C1QTNF7: variants seen among roughly 807,000 people sequenced by gnomAD.
The protein encoded by C1QTNF7 is complement C1q tumor necrosis factor-related protein 7.
A neutral mutation model predicts 19.6 loss-of-function variants in C1QTNF7; 15 were observed. The ratio of observed to expected loss-of-function variants is 0.76; its 90% CI spans 0.51 to 1.18. C1QTNF7 has a LOEUF of 1.18. C1QTNF7 is among the 50% of genes most tolerant of loss of function. The probability of loss-of-function intolerance (pLI) is 0.00; values close to 1 mark genes in which losing one functional copy is unlikely to be tolerated. For missense variants in C1QTNF7, 324 were observed against 359.7 expected (o/e 0.90, Z 0.80); for synonymous variants, 142 against 137.5 (o/e 1.03, Z -0.23).
At chr4:15,442,139 A>G (rs1712783759) in intron 2 of C1QTNF7, 29 bp from the exon 3 acceptor site, 1 of 1,555,414 alleles carries the variant, frequency 6.4e-7, no homozygotes, top group Non-Finnish European at 8.6e-7. Flanking sequence ...TTGAGGAACT[A>G]TTAATCAAAC....
intron 1 of C1QTNF7, among the ~76,000 whole-genome samples, chr4:15,415,585 T>G (rs1204685131): frequency 6.6e-6 from 1 of 151,388 alleles, no homozygotes; most frequent in Non-Finnish European, 1.5e-5. Flanking sequence ...ACATTAATAT[T>G]TTGGTATTGG....
chr4:15,442,746 T>C lies in C1QTNF7; in HGVS notation c.817T>C (p.Leu273=). The C allele has an allele frequency of 6.2e-7, 1 of 1,614,020 alleles. No homozygotes were observed. The highest frequency in any genetic ancestry group is 8.5e-7 in the Non-Finnish European group (1 of 1,179,990). Residue 273 remains leucine, a synonymous_variant, in exon 3 of 3, where the codon TTA becomes CTA. Transcript: ENST00000444304. ...AGACAGCTTATTCTCCGGGTTTCTC[T>C]TATACGTTGACACAGATTACCTAGA... ...WADSLFSGFL[L]YVDTDYLDSI...
At chr4:15,396,973 C>A (rs1280930992) in intron 1 of C1QTNF7, among the ~76,000 whole-genome samples, 1 of 152,170 alleles carries the variant, frequency 6.6e-6, no homozygotes, top group Non-Finnish European at 1.5e-5. Context: ...TACAGTTCTA[C>A]GTGCCTGGGG....
intron 1 of C1QTNF7, among the ~76,000 whole-genome samples, chr4:15,387,172 T>C (rs959818685): frequency 1.3e-5 from 2 of 152,200 alleles, no homozygotes; most frequent in Non-Finnish European, 2.9e-5. Context: ...TCCAAGTTAT[T>C]TGGCCTGAGC....
chr4:15,425,377 C>A (rs1169419787), upstream of C1QTNF7, among the ~76,000 whole-genome samples: 4 of 152,108 alleles, frequency 2.6e-5, no homozygotes, highest in Admixed American at 6.6e-5. Context: ...GGGAGACTTT[C>A]TGTAGAAAGT....
chr4:15,373,771 A>G (rs1049932178), intron 1 of C1QTNF7: 2 of 152,120 alleles, frequency 1.3e-5, no homozygotes, highest in African/African-American at 4.8e-5. Flanking sequence ...TCCATATTCT[A>G]TCTCATTTCC....
At chr4:15,421,255 A>G (rs1711746615) in intron 1 of C1QTNF7, among the ~76,000 whole-genome samples, 1 of 152,186 alleles carries the variant, frequency 6.6e-6, no homozygotes, top group South Asian at 2.1e-4. Flanking sequence ...TATTGTTACA[A>G]TCACCACTAT....
rs374455303 is a variant in C1QTNF7, at chr4:15,442,383, G to A, written c.454G>A (p.Val152Ile). Residue 152 changes from valine (V) to isoleucine (I), a missense_variant, in exon 3 of 3, where the codon GTT (valine) becomes ATT (isoleucine). Physicochemically the swap from Val to Ile is conservative, Grantham distance 29. Coordinates refer to ENST00000444304, the MANE Select transcript of C1QTNF7 (RefSeq NM_031911.5). ...GSIVLKSAFSVGITTSYPEER... is the reference protein window; with the variant it reads ...GSIVLKSAFSIGITTSYPEER... ...CATCGTGCTCAAATCCGCCTTTTCT[G>A]TTGGCATCACAACCAGCTACCCAGA... is the stretch of plus-strand genomic sequence containing the variant. 1.2e-6 allele frequency: 2 copies of A among 1,614,056 alleles called. No homozygotes were observed. The highest frequency in any genetic ancestry group is 2.7e-5 in the African/African-American group (2 of 74,916).
intron 1 of C1QTNF7, among the ~76,000 whole-genome samples, chr4:15,382,940 G>A (rs1192014133): frequency 6.6e-6 from 1 of 152,162 alleles, no homozygotes; most frequent in Non-Finnish European, 1.5e-5. Context: ...ATACTTATTA[G>A]TGCTTACCAA....
intron 1 of C1QTNF7, among the ~76,000 whole-genome samples, chr4:15,434,753 C>G (rs867397729): frequency 2.0e-5 from 3 of 152,240 alleles, no homozygotes; most frequent in Middle Eastern, 3.4e-3. Context: ...TGGGGGAGTC[C>G]TATTAGATCA....
intron 2 of C1QTNF7, among the ~76,000 whole-genome samples, chr4:15,436,787 C>A (rs1339888079): frequency 1.3e-5 from 2 of 152,158 alleles, no homozygotes; most frequent in African/African-American, 4.8e-5. Context: ...TGGAATCAAT[C>A]TTTCAAGACA....
intron 1 of C1QTNF7, among the ~76,000 whole-genome samples, chr4:15,401,583 A>G (rs1024105222): frequency 2.6e-5 from 4 of 152,266 alleles, no homozygotes; most frequent in Admixed American, 1.3e-4. Flanking sequence ...GAAGGCAGAT[A>G]CAAAATTACA....
At chr4:15,418,227 A>C (rs1711538921) in intron 1 of C1QTNF7, among the ~76,000 whole-genome samples, 1 of 150,322 alleles carries the variant, frequency 6.7e-6, no homozygotes, top group South Asian at 2.1e-4. Context: ...ACTTGCTCCC[A>C]CCTCCCCTCC....
chr4:15,355,171 A>G (rs13122790), intron 1 of C1QTNF7, among the ~76,000 whole-genome samples: 34,816 of 152,020 alleles, frequency 0.23, 4,537 homozygotes, highest in East Asian at 0.29. Context: ...CATCTTACCC[A>G]AAGTAAGGAG....
At chr4:15,376,253 A>G (rs4511993) in intron 1 of C1QTNF7, among the ~76,000 whole-genome samples, 73,155 of 152,152 alleles carry the variant, frequency 0.48, 19,170 homozygotes, top group African/African-American at 0.69. Context: ...TGAGCTGTGC[A>G]GTGGACTGCG....
At chr4:15,351,744 C>T (rs1244253841) in intron 1 of C1QTNF7, among the ~76,000 whole-genome samples, 1 of 152,202 alleles carries the variant, frequency 6.6e-6, no homozygotes, top group Admixed American at 6.5e-5. Context: ...GTGTGGAAAG[C>T]TGCAGAGCTG....
chr4:15,384,994 A>G (rs1386386165), intron 1 of C1QTNF7, among the ~76,000 whole-genome samples: 5 of 152,338 alleles, frequency 3.3e-5, no homozygotes, highest in Non-Finnish European at 1.5e-5. Flanking sequence ...CTCTTGTGAG[A>G]ACAAGGGTTA....
intron 1 of C1QTNF7, among the ~76,000 whole-genome samples, chr4:15,350,331 GA>G (rs758459933): frequency 0.28 from 4,088 of 14,366 alleles, 1,112 homozygotes; most frequent in South Asian, 0.44. Context: ...AAGGAGGAAA[GA>G]AAGGAGGGAG....
intron 1 of C1QTNF7, among the ~76,000 whole-genome samples, chr4:15,414,016 G>A (rs1719498629): frequency 6.6e-6 from 1 of 152,146 alleles, no homozygotes; most frequent in South Asian, 2.1e-4. Context: ...CAGGTATAAT[G>A]GGCACTATCT....
Sources: allele counts gnomAD v4.1 joint callset (sites outside exome capture counted in the v4.1 genomes callset), GRCh38; gene constraint gnomAD v4.1.1; transcripts MANE v1.5; gene names NCBI Gene and HGNC (gene_info 2026-07-23, HGNC 2026-07-21).